Variants in PBX1 observed in about 807,000 individuals in gnomAD.
PBX1 encodes the protein PBX homeobox 1.
Under a neutral mutation model 53.4 loss-of-function variants are expected in PBX1, and 6 were observed. That is an observed-to-expected ratio of 0.11 (90% CI 0.06 to 0.22). The LOEUF is 0.22. PBX1 is among the 10% of genes least tolerant of loss of function. The pLI is 1.00. For missense variants in PBX1, 251 were observed against 551.4 expected (o/e 0.46, Z 5.46); for synonymous variants, 204 against 212.3 (o/e 0.96, Z 0.34).
At chr1:164,820,452 G>A (rs1489825088) in intron 7 of PBX1, among the ~76,000 whole-genome samples, 1 of 152,132 alleles carries the variant, frequency 6.6e-6, no homozygotes, top group Non-Finnish European at 1.5e-5. Context: ...AGACACATCA[G>A]GCAGGTGGAA....
At chr1:164,636,120 C>CT (rs1658760548) in intron 2 of PBX1, among the ~76,000 whole-genome samples, 4 of 151,948 alleles carry the variant, frequency 2.6e-5, no homozygotes, top group Admixed American at 2.6e-4. Context: ...CCCTCCCAGG[C>CT]TTTAGTTCTA....
chr1:164,639,828 A>T lies in PBX1; in HGVS notation c.265+76517A>T, dbSNP rs557337163. On this transcript the variant is annotated intron_variant, in intron 2 of 8. Coordinates refer to ENST00000420696, the MANE Select transcript of PBX1 (RefSeq NM_002585.4). ...TAGGCATGCACCACCATGCCCAGCAAATTTTTTCTATTTTTTGTAGAGATG... is the reference window on the plus strand; with the variant it reads ...TAGGCATGCACCACCATGCCCAGCATATTTTTTCTATTTTTTGTAGAGATG... Among the ~76,000 whole-genome samples, 7 of 152,054 alleles carry T rather than the reference A, an allele frequency of 4.6e-5. No homozygotes were observed. The East Asian group carries it at 1.2e-3, about 25-fold the overall frequency.
At chr1:164,812,838 A>G (rs1669683955) in intron 6 of PBX1, 2 of 146,680 alleles carry the variant, frequency 1.4e-5, no homozygotes, top group South Asian at 4.4e-4. Flanking sequence ...TCAGTTCAGA[A>G]TTTCTACATG....
chr1:164,711,007 T>G (rs1663734325), intron 2 of PBX1, among the ~76,000 whole-genome samples: 1 of 152,164 alleles, frequency 6.6e-6, no homozygotes, highest in Admixed American at 6.5e-5. Flanking sequence ...CATCTGCTGC[T>G]CAATGCAGGG....
At chr1:164,600,718 C>T (rs552362216) in intron 2 of PBX1, among the ~76,000 whole-genome samples, 2 of 152,288 alleles carry the variant, frequency 1.3e-5, no homozygotes, top group East Asian at 1.9e-4. Context: ...GGCTCAATCC[C>T]TTGTGGGCCT....
intron 2 of PBX1, among the ~76,000 whole-genome samples, chr1:164,724,913 A>G (rs1160069169): frequency 6.6e-6 from 1 of 152,030 alleles, no homozygotes; most frequent in East Asian, 1.9e-4. Flanking sequence ...GGAGTGTTTT[A>G]CAATGTACTC....
intron 2 of PBX1, among the ~76,000 whole-genome samples, chr1:164,884,724 T>A (rs371277328): frequency 6.6e-6 from 1 of 152,182 alleles, no homozygotes; most frequent in Non-Finnish European, 1.5e-5. Context: ...AAAACTCTGG[T>A]GAGCAGTGAG....
chr1:164,692,383 T>C (rs529839992), intron 2 of PBX1, among the ~76,000 whole-genome samples: 1 of 152,170 alleles, frequency 6.6e-6, no homozygotes, highest in East Asian at 1.9e-4. Context: ...TTAACAAACA[T>C]AGGTTGAATG....
chr1:164,583,974 C>T (rs535827276), intron 2 of PBX1, among the ~76,000 whole-genome samples: 1 of 152,214 alleles, frequency 6.6e-6, no homozygotes, highest in South Asian at 2.1e-4. Context: ...AAGATGAATC[C>T]AGTTTTCTCC....
chr1:164,654,531 G>A (rs571351634), intron 2 of PBX1, among the ~76,000 whole-genome samples: 9 of 152,162 alleles, frequency 5.9e-5, no homozygotes, highest in African/African-American at 2.2e-4. Flanking sequence ...GAAAGATATG[G>A]ACAAGTGATG....
At chr1:164,797,335 C>T (rs1668838254) in intron 3 of PBX1, among the ~76,000 whole-genome samples, 1 of 152,184 alleles carries the variant, frequency 6.6e-6, no homozygotes, top group Non-Finnish European at 1.5e-5. Context: ...GAGGCTGCAG[C>T]CCGGCGGGAG....
chr1:164,831,641 A>G (rs552419261), intron 8 of PBX1, among the ~76,000 whole-genome samples: 15 of 152,234 alleles, frequency 9.9e-5, no homozygotes, highest in South Asian at 4.1e-4. Flanking sequence ...CGCCCACCTC[A>G]GCCTCCCAAA....
rs776504167 is a variant in PBX1, at chr1:164,751,580, C to CTTTT, written c.266-40914_266-40913insTTTT. On this transcript the variant is annotated intron_variant, in intron 2 of 8. Transcript: ENST00000420696. ...TCAAATGTAATGGGTTTATTGCCCC[C>CTTTT]CTTTTTTTTTTTTTTTTTTGAGACA... Among the ~76,000 whole-genome samples, 760 of 142,000 alleles carry CTTTT rather than the reference C, an allele frequency of 5.4e-3. 25 individuals carry two copies. Among genetic ancestry groups the CTTTT allele is most frequent in the African/African-American group, 0.019 (715 of 37,066 alleles). The allele number at this position is 142,000 out of a possible 152,430, so 93.2% of individuals were successfully genotyped here.
intron 2 of PBX1, among the ~76,000 whole-genome samples, chr1:164,629,809 T>G (rs1658292887): frequency 6.6e-6 from 1 of 152,032 alleles, no homozygotes; most frequent in Non-Finnish European, 1.5e-5. Flanking sequence ...TTCTTAATTC[T>G]TTTTCCAACA....
chr1:164,870,336 T>C lies in PBX1; in HGVS notation n.258-28852T>C, dbSNP rs1033191687. On this transcript the variant is annotated intron_variant and non_coding_transcript_variant, in intron 2 of 2. Coordinates refer to the PBX1 transcript ENST00000558796. ...TTCTTTCTTTCTTTCTTTCTTTCTT[T>C]CTTTCTTTCTTTCTTTCTTTCTTTC... Among the ~76,000 whole-genome samples, 14 of 121,540 alleles carry C rather than the reference T, an allele frequency of 1.2e-4. 2 individuals are homozygous for C. Among genetic ancestry groups the C allele is most frequent in the East Asian group, 2.3e-4 (1 of 4,412 alleles). 79.7% of individuals were successfully genotyped at this position (121,540 alleles called of 152,430 possible).
intron 2 of PBX1, among the ~76,000 whole-genome samples, chr1:164,672,788 T>C (rs939252742): frequency 2.0e-5 from 3 of 152,224 alleles, no homozygotes; most frequent in African/African-American, 7.2e-5. Flanking sequence ...TCTGTTTTTG[T>C]TCTTATCTGG....
intron 2 of PBX1, among the ~76,000 whole-genome samples, chr1:164,585,298 A>T (rs1359557465): frequency 6.6e-6 from 1 of 152,108 alleles, no homozygotes; most frequent in African/African-American, 2.4e-5. Flanking sequence ...GATATCTCAA[A>T]CTTGGCTGTC....
At chr1:164,647,385 G>A (rs980308501) in intron 2 of PBX1, among the ~76,000 whole-genome samples, 10 of 152,106 alleles carry the variant, frequency 6.6e-5, no homozygotes, top group African/African-American at 2.2e-4. Flanking sequence ...GAGGAAAATC[G>A]TAAAGACTGC....
At chr1:164,811,449 A>G (rs1204514409) in intron 5 of PBX1, among the ~76,000 whole-genome samples, 1 of 152,252 alleles carries the variant, frequency 6.6e-6, no homozygotes, top group African/African-American at 2.4e-5. Flanking sequence ...GAAATCTGGT[A>G]GATTGAATTA....
Sources: gnomAD v4.1 joint callset for allele counts (sites outside exome capture counted in the v4.1 genomes callset) on GRCh38, gnomAD v4.1.1 for gene constraint, MANE v1.5 for transcripts, NCBI Gene and HGNC (gene_info 2026-07-23, HGNC 2026-07-21) for gene names.